CANX: variants seen among roughly 807,000 people sequenced by gnomAD.
The protein encoded by CANX is calnexin, also known as epididymis secretory sperm binding protein.
CANX carries 14 observed loss-of-function variants against 75.7 expected under a neutral mutation model. That is an observed-to-expected ratio of 0.19 (90% CI 0.12 to 0.29). The LOEUF (loss-of-function observed/expected upper bound fraction) is 0.29, where lower values mean the gene tolerates loss of function less well. Among genes scored for constraint, CANX ranks in the 10% least tolerant of loss-of-function variants. The pLI, the probability that CANX is intolerant of heterozygous loss-of-function variation, is 1.00. For missense variants in CANX, 567 were observed against 713.2 expected, an observed-to-expected ratio of 0.79 and a Z score of 2.34; for synonymous variants, 227 against 236.9, an observed-to-expected ratio of 0.96 and a Z score of 0.38.
chr5:179,694,266 A>G, upstream of CANX: 1 of 476,188 alleles, frequency 2.1e-6, no homozygotes. Context: ...GCAGACATGC[A>G]GAGAAGAATG....
chr5:179,714,486 A>G (rs1362270114), intron 7 of CANX, among the ~76,000 whole-genome samples: 2 of 151,916 alleles, frequency 1.3e-5, no homozygotes, highest in African/African-American at 2.4e-5. Context: ...ACAACTTTAC[A>G]TGCTATATCT....
rs1408077859 is a variant in CANX, at chr5:179,699,074, G to A, written c.-32G>A. 9.2e-7 allele frequency: 1 copy of A among 1,089,906 alleles called. No homozygotes were observed. The highest frequency in any genetic ancestry group is 1.1e-6 in the Non-Finnish European group (1 of 889,846). The allele number at this position is 1,089,906 out of a possible 1,614,324, so 67.5% of individuals were successfully genotyped here. On this transcript the variant is annotated 5_prime_UTR_variant, in exon 1 of 15. Coordinates refer to ENST00000247461, the MANE Select transcript of CANX (RefSeq NM_001746.4). Reference sequence around the variant, plus strand: ...GGTGTGCGGGCGGGAAGGGGCACGGGCACCCCCGCGGTCCCCGGGAGGCTA... The same window carrying A: ...GGTGTGCGGGCGGGAAGGGGCACGGACACCCCCGCGGTCCCCGGGAGGCTA...
Position 179,715,812 on chromosome 5 carries a change from C to CTTGT in CANX, c.722-290_722-287dup, listed in dbSNP as rs1777905889. The CTTGT allele has an allele frequency of 3.1e-5, 13 of 415,722 alleles. 1 individual carries two copies. Among genetic ancestry groups the CTTGT allele is most frequent in the South Asian group, 2.8e-4 (13 of 46,188 alleles). The allele number at this position is 415,722 out of a possible 1,614,324, so 25.8% of individuals were successfully genotyped here. A position where few individuals can be genotyped will look rare whatever the true frequency, so the allele number is the denominator to read the frequency against. On this transcript the variant is annotated intron_variant, in intron 7 of 14. Coordinates refer to ENST00000247461, the MANE Select transcript of CANX (RefSeq NM_001746.4). ...ATAATTGTGTTAGTTTATGTAGTTTCTTGTTTTTTTTGTTTTTTTTTTTTA... is the reference window on the plus strand; with the variant it reads ...ATAATTGTGTTAGTTTATGTAGTTTCTTGTTTGTTTTTTTTGTTTTTTTTTTTTA...
chr5:179,684,924 G>GTGTTTTTTTTTT (rs781629512), intron 1 of CANX, among the ~76,000 whole-genome samples: 1 of 28,984 alleles, frequency 3.5e-5, no homozygotes, highest in African/African-American at 1.1e-4. Flanking sequence ...GGCTAATTTT[G>GTGTTTTTTTTTT]TATTTTTTTT....
rs771905020 is a variant in CANX at position 179,726,708 on chromosome 5, A to G, written c.1674A>G (p.Glu558=). 2 of 1,613,768 alleles carry G rather than the reference A, an allele frequency of 1.2e-6. No individual in the cohort carries two copies. The highest frequency in any genetic ancestry group is 1.1e-5 in the South Asian group (1 of 91,070). Reference sequence around the variant, plus strand: ...AGAAACAGAAAAGTGATGCTGAAGAAGATGGTGGCACTGTCAGTCAAGAGG... The same window carrying G: ...AGAAACAGAAAAGTGATGCTGAAGAGGATGGTGGCACTGTCAGTCAAGAGG... ...LEEKQKSDAE[E]DGGTVSQEEE... The change falls in exon 14 of 15, where the codon GAA becomes GAG. Residue 558 remains glutamate (E), a synonymous_variant. Transcript: ENST00000247461.
chr5:179,709,847 C>T (rs752466224), intron 6 of CANX, 26 bp from the exon 7 acceptor site: 12 of 1,501,686 alleles, frequency 8.0e-6, no homozygotes, highest in Non-Finnish European at 1.1e-5. Flanking sequence ...ACAGTGACTT[C>T]AAATAATCCT....
intron 1 of CANX, among the ~76,000 whole-genome samples, 156 bp from the exon 2 acceptor site, chr5:179,705,523 C>G (rs927540443): frequency 6.6e-6 from 1 of 152,198 alleles, no homozygotes; most frequent in Non-Finnish European, 1.5e-5. Flanking sequence ...CCTTTAATCT[C>G]TCTAGGCTGC....
At chr5:179,726,834 G>A in intron 14 of CANX, 75 bp downstream of exon 14, 1 of 1,089,544 alleles carries the variant, frequency 9.2e-7, no homozygotes, top group Admixed American at 1.9e-5. Context: ...TTTTAATAGG[G>A]TAGTTTACAG....
chr5:179,679,680 CT>C (rs1475124280), intron 1 of CANX, among the ~76,000 whole-genome samples: 3 of 151,864 alleles, frequency 2.0e-5, no homozygotes, highest in Admixed American at 6.6e-5. Context: ...TTTTTTGAGA[CT>C]GAGTCTCGCT....
At chr5:179,686,563 C>T (rs114004553) in intron 1 of CANX, among the ~76,000 whole-genome samples, 4,095 of 152,116 alleles carry the variant, frequency 0.027, 211 homozygotes, top group African/African-American at 0.093. Flanking sequence ...CAGCCTTGAC[C>T]TCCCCAGGCT....
intron 7 of CANX, 112 bp downstream of exon 7, chr5:179,710,177 C>CT: frequency 1.6e-6 from 1 of 641,186 alleles, no homozygotes; most frequent in Non-Finnish European, 2.6e-6. Flanking sequence ...AATCCCAGCA[C>CT]TTTGGGAGGC....
At chr5:179,694,919 G>T (rs1776365685), upstream of CANX, among the ~76,000 whole-genome samples, 1 of 152,152 alleles carries the variant, frequency 6.6e-6, no homozygotes, top group South Asian at 2.1e-4. Context: ...GACAAGCTAT[G>T]AGAAGAAGCT....
intron 7 of CANX, among the ~76,000 whole-genome samples, chr5:179,711,281 G>A (rs1777535392): frequency 6.6e-6 from 1 of 151,910 alleles, no homozygotes; most frequent in Non-Finnish European, 1.5e-5. Context: ...AATTAACTGA[G>A]TATAGTGGCA....
intron 1 of CANX, among the ~76,000 whole-genome samples, chr5:179,701,767 A>G (rs1776780230): frequency 1.2e-4 from 1 of 8,672 alleles, no homozygotes; most frequent in African/African-American, 1.6e-4. Context: ...TTTTTTTGAG[A>G]CGGAGTCTCC....
intron 3 of CANX, among the ~76,000 whole-genome samples, 165 bp downstream of exon 3, chr5:179,706,496 T>C (rs1372183949): frequency 6.6e-6 from 1 of 152,156 alleles, no homozygotes; most frequent in African/African-American, 2.4e-5. Context: ...TGGGCTGGAG[T>C]GCAATGGCGT....
intron 1 of CANX, chr5:179,679,121 G>A: frequency 1.3e-6 from 2 of 1,535,614 alleles, no homozygotes; most frequent in African/African-American, 2.7e-5. Context: ...GCTCGTAGCC[G>A]AGCACTCGAA....
intron 7 of CANX, among the ~76,000 whole-genome samples, chr5:179,712,039 G>A (rs1361945599): frequency 6.7e-6 from 1 of 150,366 alleles, no homozygotes; most frequent in Non-Finnish European, 1.5e-5. Flanking sequence ...CGGAGGTCAC[G>A]GTGAGCCAAG....
upstream of CANX, chr5:179,698,659 G>A: frequency 4.3e-6 from 5 of 1,170,916 alleles, no homozygotes; most frequent in South Asian, 2.5e-5. Context: ...AGCAACCGAC[G>A]CGGGAACGCC....
At chr5:179,694,942 T>G (rs1337440421), upstream of CANX, among the ~76,000 whole-genome samples, 1 of 152,202 alleles carries the variant, frequency 6.6e-6, no homozygotes, top group Non-Finnish European at 1.5e-5. Flanking sequence ...ATACGAAGGA[T>G]AAATGGATCA....
Sources: allele counts gnomAD v4.1 joint callset (sites outside exome capture counted in the v4.1 genomes callset), GRCh38; gene constraint gnomAD v4.1.1; transcripts MANE v1.5; gene names NCBI Gene and HGNC (gene_info 2026-07-23, HGNC 2026-07-21).